NRXN1: variants seen among roughly 807,000 people sequenced by gnomAD.
The protein encoded by NRXN1 is neurexin 1.
In NRXN1, 39 loss-of-function variants were observed where a neutral mutation model predicts 150.9. That is an observed-to-expected ratio of 0.26 (90% CI 0.20 to 0.34). The LOEUF (loss-of-function observed/expected upper bound fraction) is 0.34, where lower values mean the gene tolerates loss of function less well. Among genes scored for constraint, NRXN1 ranks in the 10% least tolerant of loss-of-function variants. NRXN1 has a pLI of 1.00. For missense variants in NRXN1, 1,815 were observed against 1,949.9 expected (o/e 0.93, Z 1.30); for synonymous variants, 924 against 757.0 (o/e 1.22, Z -3.62).
chr2:50,024,364 C>A (rs1687976041), intron 21 of NRXN1, among the ~76,000 whole-genome samples: 1 of 152,074 alleles, frequency 6.6e-6, no homozygotes, highest in South Asian at 2.1e-4. Context: ...GTAGAAGTAC[C>A]CCCAAGGTTA....
intron 18 of NRXN1, among the ~76,000 whole-genome samples, chr2:50,175,796 A>G (rs1235361551): frequency 6.6e-6 from 1 of 152,096 alleles, no homozygotes; most frequent in Non-Finnish European, 1.5e-5. Flanking sequence ...AAACACACAA[A>G]TCTTCCCATT....
chr2:50,211,520 T>C (rs949353967), intron 18 of NRXN1, among the ~76,000 whole-genome samples: 6 of 151,558 alleles, frequency 4.0e-5, no homozygotes, highest in African/African-American at 7.2e-5. Context: ...AAGACAAATA[T>C]AATATGCCTG....
chr2:50,404,713 T>C (rs757569335), intron 17 of NRXN1, among the ~76,000 whole-genome samples: 1 of 152,118 alleles, frequency 6.6e-6, no homozygotes, highest in Non-Finnish European at 1.5e-5. Flanking sequence ...TTTGAAAGTA[T>C]TGAAAAGTCA....
chr2:50,886,067 T>C (rs995084263), intron 5 of NRXN1, among the ~76,000 whole-genome samples: 1 of 151,420 alleles, frequency 6.6e-6, no homozygotes, highest in African/African-American at 2.4e-5. Flanking sequence ...TTTTATTTGA[T>C]CATTGTATAG....
intron 21 of NRXN1, among the ~76,000 whole-genome samples, chr2:50,027,363 T>A (rs1289713338): frequency 9.0e-6 from 1 of 110,668 alleles, no homozygotes; most frequent in Admixed American, 9.5e-5. Context: ...CCTTCCTTCG[T>A]TGCTTCCTTC....
intron 17 of NRXN1, among the ~76,000 whole-genome samples, chr2:50,394,730 T>C (rs1247887485): frequency 1.3e-5 from 2 of 152,104 alleles, no homozygotes; most frequent in Non-Finnish European, 2.9e-5. Flanking sequence ...TGATCAAATG[T>C]TCCCAGTGGC....
intron 17 of NRXN1, among the ~76,000 whole-genome samples, chr2:50,451,597 C>G (rs2086970591): frequency 6.6e-6 from 1 of 152,116 alleles, no homozygotes; most frequent in South Asian, 2.1e-4. Flanking sequence ...AATAAATCTA[C>G]ATATATTAAT....
intron 22 of NRXN1, among the ~76,000 whole-genome samples, chr2:49,935,931 T>A (rs1485686294): frequency 5.9e-5 from 9 of 152,222 alleles, no homozygotes; most frequent in Admixed American, 4.6e-4. Flanking sequence ...AGCATGGATG[T>A]GCATCTTGTT....
intron 5 of NRXN1, among the ~76,000 whole-genome samples, chr2:50,719,655 G>T (rs758055125): frequency 1.1e-4 from 17 of 151,964 alleles, no homozygotes; most frequent in Non-Finnish European, 2.1e-4. Context: ...CAGCCCAGGC[G>T]ACAGTGCAAG....
At chr2:50,684,760 T>G (rs1690968520) in intron 5 of NRXN1, among the ~76,000 whole-genome samples, 1 of 152,180 alleles carries the variant, frequency 6.6e-6, no homozygotes, top group Non-Finnish European at 1.5e-5. Flanking sequence ...GTTTAGATTG[T>G]TAAGGTAAAA....
chr2:50,278,735 T>C (rs1028670896), intron 17 of NRXN1, among the ~76,000 whole-genome samples: 1 of 152,070 alleles, frequency 6.6e-6, no homozygotes, highest in Admixed American at 6.6e-5. Context: ...CGGTCCAGGA[T>C]AGGCTGGAAT....
chr2:50,273,301 TG>T (rs2069959440), intron 17 of NRXN1, among the ~76,000 whole-genome samples: 1 of 152,178 alleles, frequency 6.6e-6, no homozygotes, highest in South Asian at 2.1e-4. Context: ...AACTGAAACC[TG>T]TTTATATAAA....
At chr2:50,550,696 A>ATTTTATTTT (rs1328969985) in intron 9 of NRXN1, among the ~76,000 whole-genome samples, 1 of 147,140 alleles carries the variant, frequency 6.8e-6, no homozygotes, top group African/African-American at 2.5e-5. Flanking sequence ...ATTTTTTTTT[A>ATTTTATTTT]TTTTTGAGAC....
chr2:50,219,927 T>TTATATCTATTATATATTATATATATAA, intron 18 of NRXN1, among the ~76,000 whole-genome samples: 1 of 72,462 alleles, frequency 1.4e-5, no homozygotes, highest in African/African-American at 8.3e-5. Flanking sequence ...TCTCTCTATA[T>TTATATCTATTATATATTATATATATAA]TATATATATT....
intron 19 of NRXN1, among the ~76,000 whole-genome samples, chr2:50,087,364 G>T (rs557735120): frequency 7.2e-5 from 11 of 152,180 alleles, no homozygotes; most frequent in African/African-American, 2.6e-4. Flanking sequence ...GAGTGTAAAA[G>T]AAATCTTTTG....
chr2:50,355,203 A>T (rs1327419122), intron 17 of NRXN1, among the ~76,000 whole-genome samples: 2 of 150,510 alleles, frequency 1.3e-5, no homozygotes, highest in Non-Finnish European at 3.0e-5. Flanking sequence ...GGGATCTATA[A>T]TCTAATCCCC....
At chr2:49,962,809 C>T (rs868032270) in intron 21 of NRXN1, among the ~76,000 whole-genome samples, 1 of 151,866 alleles carries the variant, frequency 6.6e-6, no homozygotes, top group African/African-American at 2.4e-5. Flanking sequence ...AAAAATTAGC[C>T]GGGGGTGGTG....
rs574065116 is a variant in NRXN1, at chr2:50,822,327, GC to G, written c.832+99541del. On this transcript the variant is annotated intron_variant, in intron 5 of 22. Transcript: ENST00000401669. ...GATACGTTTCAAAGTAAGAAGTCATGCTTTTATTAAAGAGAAAATGGATAAT... is the reference window on the plus strand; with the variant it reads ...GATACGTTTCAAAGTAAGAAGTCATGTTTTATTAAAGAGAAAATGGATAAT... Among the ~76,000 whole-genome samples the G allele has an allele frequency of 6.9e-4, 105 of 152,196 alleles. 2 individuals carry two copies. In the South Asian group the frequency reaches 0.02, roughly 29 times the overall value.
In NRXN1 at chr2:50,346,732, A is replaced by G; in HGVS notation, c.3365-109762T>C. 6.2e-7 allele frequency: 1 copy of G among 1,613,888 alleles called. No individual in the cohort carries two copies. The highest frequency in any genetic ancestry group is 1.1e-5 in the South Asian group (1 of 91,082). On this transcript the variant is annotated intron_variant, in intron 17 of 22. Transcript: ENST00000401669. The surrounding 1 kb of genome is among the most constrained non-coding windows in gnomAD (Gnocchi z 5.0). ...GGATGCCGGTGACCTGTAGATTGCAATAGGCACTGAATGATGCTTGCTGCT... is the reference window on the plus strand; with the variant it reads ...GGATGCCGGTGACCTGTAGATTGCAGTAGGCACTGAATGATGCTTGCTGCT...
Sources: gnomAD v4.1 joint callset for allele counts (sites outside exome capture counted in the v4.1 genomes callset) on GRCh38, gnomAD v4.1.1 for gene constraint, Gnocchi (gnomAD v3.1) non-coding constraint, MANE v1.5 for transcripts, NCBI Gene and HGNC (gene_info 2026-07-23, HGNC 2026-07-21) for gene names.